The following FMN2 variants were observed in gnomAD, a reference collection of about 807,000 sequenced individuals.
The protein encoded by FMN2 is formin 2.
In FMN2, 51 loss-of-function variants were observed where a neutral mutation model predicts 142.3. The observed-to-expected ratio is 0.36, with a 90% confidence interval of 0.29 to 0.45. FMN2 has a LOEUF of 0.45. FMN2 is among the 20% of genes least tolerant of loss of function. FMN2 has a pLI of 1.00. For synonymous variants in FMN2, 882 were observed against 869.8 expected (o/e 1.01, Z -0.25); for missense variants, 1,936 against 2,122.8 (o/e 0.91, Z 1.73).
In FMN2 at chr1:240,401,150, G is replaced by A. The variant is rs531737898; in HGVS notation, c.4910+8588G>A. 5 of 149,840 alleles carry A rather than the reference G, an allele frequency of 3.3e-5. No individual in the cohort carries two copies. The South Asian group carries it at 8.5e-4, about 25-fold the overall frequency. 9.3% of individuals were successfully genotyped at this position (149,840 alleles called of 1,614,324 possible). ...AAAAAAAAAAAAAAAACATAGACAT[G>A]CACATACACATATACAGATCCTCAC... On this transcript the variant is annotated intron_variant, in intron 15 of 17. Transcript: ENST00000319653.
intron 1 of FMN2, among the ~76,000 whole-genome samples, chr1:240,115,146 C>A (rs763403857): frequency 6.6e-6 from 1 of 152,058 alleles, no homozygotes; most frequent in African/African-American, 2.4e-5. Flanking sequence ...TTTCTGGTTT[C>A]TTTAAATATA....
intron 16 of FMN2, among the ~76,000 whole-genome samples, chr1:240,471,065 A>G (rs980185540): frequency 3.9e-5 from 6 of 152,346 alleles, no homozygotes; most frequent in Non-Finnish European, 7.4e-5. Flanking sequence ...GGTGTCAAAT[A>G]GCAGAGCCAG....
intron 15 of FMN2, among the ~76,000 whole-genome samples, chr1:240,422,061 A>G (rs1461118868): frequency 2.6e-5 from 4 of 152,132 alleles, no homozygotes; most frequent in Admixed American, 1.3e-4. Context: ...GCAGTTGGCT[A>G]TATTTTTATG....
intron 2 of FMN2, among the ~76,000 whole-genome samples, chr1:240,127,654 TTG>T (rs1239805303): frequency 1.3e-5 from 2 of 152,070 alleles, no homozygotes; most frequent in African/African-American, 2.4e-5. Flanking sequence ...ATTTTTTAAG[TTG>T]TTGTTATAGA....
At chr1:240,230,347 A>AAC (rs36095650) in intron 6 of FMN2, among the ~76,000 whole-genome samples, 63,916 of 128,052 alleles carry the variant, frequency 0.5, 23,053 homozygotes, top group African/African-American at 0.54. Flanking sequence ...ACAACAACAA[A>AAC]AAAACTAACC....
At chr1:240,472,066 A>G (rs4592251) in intron 16 of FMN2, 6 of 237,756 alleles carry the variant, frequency 2.5e-5, no homozygotes, top group East Asian at 1.1e-4. Flanking sequence ...TTTTACTTGT[A>G]TATAAGATTC....
intron 8 of FMN2, among the ~76,000 whole-genome samples, chr1:240,301,484 A>G (rs769448646): frequency 6.6e-6 from 1 of 151,912 alleles, no homozygotes; most frequent in Non-Finnish European, 1.5e-5. Flanking sequence ...TCCCTCCAGT[A>G]TCATTTTATA....
intron 8 of FMN2, among the ~76,000 whole-genome samples, chr1:240,319,010 G>A (rs144528105): frequency 1.3e-5 from 2 of 152,284 alleles, no homozygotes; most frequent in African/African-American, 4.8e-5. Flanking sequence ...GAAGTATGCA[G>A]GTGAAAAAGT....
intron 6 of FMN2, among the ~76,000 whole-genome samples, chr1:240,226,563 TA>T (rs1667308349): frequency 6.6e-6 from 1 of 152,134 alleles, no homozygotes; most frequent in Non-Finnish European, 1.5e-5. Flanking sequence ...AATGATATGG[TA>T]ATTTGAGATC....
At chr1:240,273,860 G>C (rs1473550766) in intron 7 of FMN2, among the ~76,000 whole-genome samples, 1 of 152,082 alleles carries the variant, frequency 6.6e-6, no homozygotes, top group Non-Finnish European at 1.5e-5. Flanking sequence ...CAAGTAGAGA[G>C]ATAAAGAGAA....
intron 8 of FMN2, among the ~76,000 whole-genome samples, chr1:240,314,852 G>T (rs1361200090): frequency 2.0e-5 from 3 of 152,148 alleles, no homozygotes; most frequent in African/African-American, 7.2e-5. Flanking sequence ...CATAAATTCT[G>T]TTCTTCTGTG....
In FMN2 at chr1:240,142,622, G is replaced by T. The variant is rs533220047; in HGVS notation, c.1782+19277G>T. The T allele has an allele frequency of 1.2e-5, 18 of 1,538,958 alleles. No individual in the cohort carries two copies. The Admixed American group carries it at 2.4e-4, about 21-fold the overall frequency. ...GTCCACCCTTGGCAGCAGGATGCAT[G>T]GCCCACTGATACATCAGCTGCAGTT... On this transcript the variant is annotated intron_variant, in intron 2 of 17. Transcript: ENST00000319653.
chr1:240,179,998 A>G (rs1487495380), intron 3 of FMN2, among the ~76,000 whole-genome samples: 1 of 152,192 alleles, frequency 6.6e-6, no homozygotes, highest in East Asian at 1.9e-4. Context: ...CTCGAAGTTA[A>G]TTGAATGTGA....
At chr1:240,360,466 A>G (rs1007073049) in intron 14 of FMN2, among the ~76,000 whole-genome samples, 1 of 152,190 alleles carries the variant, frequency 6.6e-6, no homozygotes, top group Admixed American at 6.5e-5. Flanking sequence ...ATCCACTCCT[A>G]GAGTTACCTC....
chr1:240,456,015 G>T (rs1676232852), intron 16 of FMN2, among the ~76,000 whole-genome samples: 2 of 151,620 alleles, frequency 1.3e-5, no homozygotes, highest in South Asian at 2.1e-4. Context: ...GTTGCATAAT[G>T]ATCTCAGAAA....
intron 3 of FMN2, among the ~76,000 whole-genome samples, chr1:240,178,347 T>C (rs753766005): frequency 7.9e-5 from 12 of 152,128 alleles, no homozygotes; most frequent in African/African-American, 1.9e-4. Context: ...GAAAACACTT[T>C]ATATTTGTCA....
chr1:240,388,252 A>T (rs1294336417), intron 14 of FMN2, among the ~76,000 whole-genome samples: 1 of 149,596 alleles, frequency 6.7e-6, no homozygotes, highest in African/African-American at 2.4e-5. Context: ...AAAAAAAAAA[A>T]AATCATGAAA....
chr1:240,145,186 G>A (rs1436385591), intron 2 of FMN2: 7 of 1,439,240 alleles, frequency 4.9e-6, no homozygotes, highest in African/African-American at 2.8e-5. Context: ...CCTTCTCCCC[G>A]AGTCATTCCA....
At chr1:240,281,792 T>A (rs1369551308) in intron 7 of FMN2, among the ~76,000 whole-genome samples, 1 of 152,176 alleles carries the variant, frequency 6.6e-6, no homozygotes, top group African/African-American at 2.4e-5. Flanking sequence ...TATTTGTGCA[T>A]TTCTTACTGT....
Sources: allele counts gnomAD v4.1 joint callset (sites outside exome capture counted in the v4.1 genomes callset), GRCh38; gene constraint gnomAD v4.1.1; transcripts MANE v1.5; gene names NCBI Gene and HGNC (gene_info 2026-07-23, HGNC 2026-07-21).